Variants in ATR observed in about 807,000 individuals in gnomAD.
ATR encodes the protein ATR checkpoint kinase.
A neutral mutation model predicts 305.3 loss-of-function variants in ATR; 142 were observed. That is an observed-to-expected ratio of 0.47 (90% CI 0.41 to 0.53). ATR has a LOEUF of 0.53. Among genes scored for constraint, ATR ranks in the 20% least tolerant of loss-of-function variants. The pLI is 0.00. For synonymous variants in ATR, 1,050 were observed against 1,068.1 expected, an observed-to-expected ratio of 0.98 and a Z score of 0.33; for missense variants, 2,135 against 3,133.1, an observed-to-expected ratio of 0.68 and a Z score of 7.60.
chr3:142,475,178 A>G (rs2071404288), intron 36 of ATR, among the ~76,000 whole-genome samples: 1 of 152,184 alleles, frequency 6.6e-6, no homozygotes, highest in African/African-American at 2.4e-5. Flanking sequence ...TACATGTGCC[A>G]TGTTGGTGTG....
intron 21 of ATR, among the ~76,000 whole-genome samples, chr3:142,526,180 A>C (rs2033381208): frequency 6.6e-6 from 1 of 152,088 alleles, no homozygotes; most frequent in South Asian, 2.1e-4. Flanking sequence ...GTCATATGAA[A>C]ATTATTAATT....
rs1200726964 is a variant in ATR at position 142,556,327 on chromosome 3, A to G, written c.2078+56T>C. On this transcript the variant is annotated intron_variant, in intron 9 of 46. Coordinates refer to ENST00000350721, the MANE Select transcript of ATR (RefSeq NM_001184.4). ...AACACAACCCTGCATACATAGCCAG[A>G]CAATTATGATCTTTCCAATAGAGTG... The G allele has an allele frequency of 3.2e-6, 5 of 1,563,268 alleles. No homozygotes were observed. In the South Asian group the frequency reaches 3.4e-5, roughly 10 times the overall value.
In ATR at chr3:142,459,170, A is replaced by G; in HGVS notation, c.7349+57T>C. 3 of 1,611,636 alleles carry G rather than the reference A, an allele frequency of 1.9e-6. No individual in the cohort carries two copies. In the Admixed American group the frequency reaches 5.0e-5, roughly 27 times the overall value. On this transcript the variant is annotated intron_variant, in intron 43 of 46. Coordinates refer to ENST00000350721, the MANE Select transcript of ATR (RefSeq NM_001184.4). ...ATACATATGAGGCCAATATAAATCT[A>G]AAATATTAAAAATAAACATTCAACC...
In ATR at chr3:142,578,709, A is replaced by G. The variant is rs747700995; in HGVS notation, c.-5T>C. 3.1e-6 allele frequency: 5 copies of G among 1,612,862 alleles called. No individual in the cohort carries two copies. Among genetic ancestry groups the G allele is most frequent in the Non-Finnish European group, 4.2e-6 (5 of 1,179,648 alleles). ...CTCCAGGCCATGTTCCCCCATGCTG[A>G]GGCTGCGAGGCACTAGTCAACCACG... is the stretch of plus-strand genomic sequence containing the variant. On this transcript the variant is annotated 5_prime_UTR_variant, in exon 1 of 47. Coordinates refer to ENST00000350721, the MANE Select transcript of ATR (RefSeq NM_001184.4).
intron 30 of ATR, among the ~76,000 whole-genome samples, chr3:142,500,867 T>C (rs1268924150): frequency 1.3e-5 from 2 of 152,116 alleles, no homozygotes; most frequent in Non-Finnish European, 2.9e-5. Context: ...TCAGTAGAAT[T>C]AGGCAGTATT....
At chr3:142,525,808 C>G (rs2033368785) in intron 21 of ATR, among the ~76,000 whole-genome samples, 1 of 152,194 alleles carries the variant, frequency 6.6e-6, no homozygotes, top group Non-Finnish European at 1.5e-5. Context: ...TGCCAACTCC[C>G]CTTCCCCTTT....
At chr3:142,525,288 C>G (rs2033326774) in intron 21 of ATR, among the ~76,000 whole-genome samples, 1 of 152,104 alleles carries the variant, frequency 6.6e-6, no homozygotes, top group South Asian at 2.1e-4. Context: ...TTTGTTATAA[C>G]TGTAGTGGCT....
chr3:142,477,111 G>A (rs1342630107), intron 36 of ATR, among the ~76,000 whole-genome samples: 1 of 152,098 alleles, frequency 6.6e-6, no homozygotes, highest in East Asian at 1.9e-4. Flanking sequence ...GATTGCCCTG[G>A]CCAGAACTTC....
intron 44 of ATR, among the ~76,000 whole-genome samples, chr3:142,458,053 T>C (rs2070945216): frequency 6.6e-6 from 1 of 152,208 alleles, no homozygotes; most frequent in Non-Finnish European, 1.5e-5. Flanking sequence ...ATTCAATATT[T>C]AGTCTCATAT....
rs2108259901 is a variant in ATR, at chr3:142,458,976, G to A, written c.7485C>T (p.Phe2495=). Residue 2495 remains phenylalanine (F), a synonymous_variant, in exon 44 of 47, where the codon TTC becomes TTT. Coordinates refer to ENST00000350721, the MANE Select transcript of ATR (RefSeq NM_001184.4). ...CACATACCTTATTGAAAAGACAATT[G>A]AAATCTACATGTACGCATTCACCAG... The part of the protein sequence containing the change: ...SLTGECVHVD[F]NCLFNKGETF... The A allele has an allele frequency of 6.2e-7, 1 of 1,613,752 alleles. No homozygotes were observed. The highest frequency in any genetic ancestry group is 8.5e-7 in the Non-Finnish European group (1 of 1,179,714).
chr3:142,553,839 C>T lies in ATR; in HGVS notation c.2518G>A (p.Gly840Arg), dbSNP rs768121271. ...HILESLDSED[G>R]FIKELFVLRM... Reference sequence around the variant, plus strand: ...AAATTATCAACCTCCTTTATAAATCCATCTTCAGAGTCCAAGGATTCCAAT... The same window carrying T: ...AAATTATCAACCTCCTTTATAAATCTATCTTCAGAGTCCAAGGATTCCAAT... The change falls in exon 11 of 47, where the codon GGA (glycine) becomes AGA (arginine). Residue 840 changes from glycine to arginine, a missense_variant. Physicochemically the swap from Gly to Arg is moderately radical, Grantham distance 125 (BLOSUM62 -2). Around this residue, in one of 9 missense-constraint regions of ATR, gnomAD observed 530 missense variants for 766.8 expected, o/e 0.69. Transcript: ENST00000350721. 1.2e-6 allele frequency: 2 copies of T among 1,613,264 alleles called. No homozygotes were observed. The highest frequency in any genetic ancestry group is 1.3e-5 in the African/African-American group (1 of 74,886).
chr3:142,547,736 G>A lies in ATR; in HGVS notation c.3346C>T (p.Pro1116Ser), dbSNP rs768537399. The change falls in exon 16 of 47, where the codon CCT becomes TCT. Residue 1116 changes from proline to serine, a missense_variant. By Grantham distance (74) the Pro-to-Ser change is moderately conservative. Coordinates refer to ENST00000350721, the MANE Select transcript of ATR (RefSeq NM_001184.4). ...AACATATTCCTTACCATCAGTTCAG[G>A]TGATATGATATCTCTCGGGCCCTGA... is the stretch of plus-strand genomic sequence containing the variant. Reference protein sequence around the residue: ...PYQGPRDIISPELMADYLQPK... With the variant: ...PYQGPRDIISSELMADYLQPK... 6 of 1,613,584 alleles carry A rather than the reference G, an allele frequency of 3.7e-6. No homozygotes were observed. Among genetic ancestry groups the A allele is most frequent in the Non-Finnish European group, 5.1e-6 (6 of 1,179,666 alleles).
At chr3:142,554,137 T>C in intron 10 of ATR, 122 bp from the exon 11 acceptor site, 1 of 838,100 alleles carries the variant, frequency 1.2e-6, no homozygotes, top group Non-Finnish European at 1.8e-6. Context: ...ATGTCAATGT[T>C]TCATATTTAA....
chr3:142,577,948 C>G (rs921078699), intron 1 of ATR, among the ~76,000 whole-genome samples: 1 of 152,298 alleles, frequency 6.6e-6, no homozygotes, highest in Non-Finnish European at 1.5e-5. Context: ...AGACAACATG[C>G]ATTTGCAAAT....
chr3:142,468,020 C>T lies in ATR; in HGVS notation c.6601G>A (p.Ala2201Thr). The T allele has an allele frequency of 1.9e-6, 3 of 1,612,862 alleles. No homozygotes were observed. The stretch of plus-strand genomic sequence containing the variant: ...TCTAAGGATTTTTTCATATGAATAG[C>T]TTTATTGAGGATTTCCTTGCATCTG... Reference protein sequence around the residue: ...VNRCKEILNKAIHMKKSLEKF... With the variant: ...VNRCKEILNKTIHMKKSLEKF... The change falls in exon 39 of 47, where the codon GCT becomes ACT. Residue 2201 changes from alanine to threonine, a missense_variant. Around this residue, in one of 9 missense-constraint regions of ATR, gnomAD observed 462 missense variants for 887.6 expected, o/e 0.52. Coordinates refer to ENST00000350721, the MANE Select transcript of ATR (RefSeq NM_001184.4).
chr3:142,555,112 T>C (rs1488222289), intron 10 of ATR, among the ~76,000 whole-genome samples: 1 of 151,380 alleles, frequency 6.6e-6, no homozygotes. Flanking sequence ...GGCACACGCC[T>C]GTAATCCCAG....
In ATR at chr3:142,519,693, A is replaced by G. The variant is rs2033059081; in HGVS notation, c.4358T>C (p.Ile1453Thr). The part of the protein sequence containing the change: ...WRRFPEHVRE[I>T]LEPHLNTRYK... ...CCTGGTATTTAGATGAGGTTCTAGTATTTCCCGAACATGCTCAGGAAATCT... is the reference window on the plus strand; with the variant it reads ...CCTGGTATTTAGATGAGGTTCTAGTGTTTCCCGAACATGCTCAGGAAATCT... The change falls in exon 24 of 47, where the codon ATA becomes ACA. Residue 1453 changes from isoleucine (I) to threonine (T), a missense_variant. Around this residue, in one of 9 missense-constraint regions of ATR, gnomAD observed 202 missense variants for 252.9 expected, o/e 0.80. Transcript: ENST00000350721. 6.2e-7 allele frequency: 1 copy of G among 1,613,310 alleles called. No individual in the cohort carries two copies. The highest frequency in any genetic ancestry group is 2.2e-5 in the East Asian group (1 of 44,888).
rs1176336373 is a variant in ATR at position 142,547,778 on chromosome 3, A to T, written c.3304T>A (p.Ser1102Thr). ...NGLSILASFASSDDPYQGPRD... is the reference protein window; with the variant it reads ...NGLSILASFATSDDPYQGPRD... Reference sequence around the variant, plus strand: ...GGGCCCTGATATGGATCATCACTGGATGCAAATGAGGCAAGTATTGACAAA... The same window carrying T: ...GGGCCCTGATATGGATCATCACTGGTTGCAAATGAGGCAAGTATTGACAAA... The change falls in exon 16 of 47, where the codon TCC (serine) becomes ACC (threonine). Residue 1102 changes from serine (S) to threonine (T), a missense_variant. By Grantham distance (58) the Ser-to-Thr change is moderately conservative. Around this residue, in one of 9 missense-constraint regions of ATR, gnomAD observed 530 missense variants for 766.8 expected, o/e 0.69. Coordinates refer to ENST00000350721, the MANE Select transcript of ATR (RefSeq NM_001184.4). The T allele has an allele frequency of 6.2e-7, 1 of 1,614,010 alleles. No individual in the cohort carries two copies. Among genetic ancestry groups the T allele is most frequent in the Non-Finnish European group, 8.5e-7 (1 of 1,179,940 alleles).
chr3:142,548,131 A>G (rs1195927987), intron 15 of ATR, among the ~76,000 whole-genome samples: 1 of 152,182 alleles, frequency 6.6e-6, no homozygotes, highest in Non-Finnish European at 1.5e-5. Flanking sequence ...ATCCAACTTT[A>G]TTTAGAAATA....
Sources: gnomAD v4.1 joint callset for allele counts (sites outside exome capture counted in the v4.1 genomes callset) on GRCh38, gnomAD v4.1.1 for gene constraint, gnomAD v4.1.1 regional missense constraint, MANE v1.5 for transcripts, NCBI Gene and HGNC (gene_info 2026-07-23, HGNC 2026-07-21) for gene names.